ZNF423: variants seen among roughly 807,000 people sequenced by gnomAD.
ZNF423 encodes the protein Ebf-associated zinc finger protein.
Under a neutral mutation model 95.8 loss-of-function variants are expected in ZNF423, and 12 were observed. The observed-to-expected ratio is 0.13, with a 90% CI of 0.08 to 0.20. The LOEUF is 0.20. Among genes scored for constraint, ZNF423 ranks in the 10% least tolerant of loss-of-function variants. The pLI, the probability that ZNF423 is intolerant of heterozygous loss-of-function variation, is 1.00. For missense variants in ZNF423, 1,316 were observed against 1,737.1 expected (o/e 0.76, Z 4.31); for synonymous variants, 749 against 711.9 (o/e 1.05, Z -0.83).
chr16:49,775,414 C>T (rs1369612566), intron 2 of ZNF423, among the ~76,000 whole-genome samples: 1 of 152,172 alleles, frequency 6.6e-6, no homozygotes, highest in African/African-American at 2.4e-5. Context: ...GTCTCTTCAA[C>T]TATTATTTGA....
chr16:49,618,592 A>C (rs575428839), intron 5 of ZNF423, among the ~76,000 whole-genome samples: 3 of 152,232 alleles, frequency 2.0e-5, no homozygotes, highest in African/African-American at 7.2e-5. Context: ...CTATGATTGT[A>C]AGTTTCCTGA....
rs997173711 is a variant in ZNF423 at position 49,617,303 on chromosome 16, C to G, written c.3601+8867G>C. 3.3e-5 allele frequency among the ~76,000 whole-genome samples: 5 copies of G among 152,210 alleles called. No individual in the cohort carries two copies. The East Asian group carries it at 9.6e-4, about 29-fold the overall frequency. ...CACTGGGTGCTCAGGACAGAGGGGA[C>G]CAAGCTCTGGGGCCACTGGCCACAG... On this transcript the variant is annotated intron_variant, in intron 5 of 7. Transcript: ENST00000563137.
intron 2 of ZNF423, among the ~76,000 whole-genome samples, chr16:49,783,666 T>G (rs16947973): frequency 0.12 from 18,451 of 151,250 alleles, 1,232 homozygotes; most frequent in East Asian, 0.23. Context: ...CAGGCTGTGA[T>G]GCGCAGAATA....
At chr16:49,629,307 T>C (rs1245061918) in intron 4 of ZNF423, among the ~76,000 whole-genome samples, 3 of 152,244 alleles carry the variant, frequency 2.0e-5, no homozygotes, top group African/African-American at 7.2e-5. Flanking sequence ...TACCTTTTGA[T>C]TGAAATTTCA....
chr16:49,497,819 G>A (rs1230593848), intron 7 of ZNF423, among the ~76,000 whole-genome samples: 9 of 152,338 alleles, frequency 5.9e-5, no homozygotes, highest in Admixed American at 5.2e-4. Context: ...AGCCATGTTC[G>A]TGCTCAGCAG....
chr16:49,759,860 C>A (rs2033795283), intron 2 of ZNF423, among the ~76,000 whole-genome samples: 1 of 152,102 alleles, frequency 6.6e-6, no homozygotes, highest in Non-Finnish European at 1.5e-5. Flanking sequence ...CCTGCTGCAC[C>A]TGCCCTTTGG....
chr16:49,832,312 G>A (rs2035069452), intron 1 of ZNF423, among the ~76,000 whole-genome samples: 1 of 152,208 alleles, frequency 6.6e-6, no homozygotes, highest in Admixed American at 6.5e-5. Context: ...CAGATTCTGA[G>A]CTCATGAAAT....
intron 3 of ZNF423, among the ~76,000 whole-genome samples, chr16:49,646,930 C>T (rs1973196980): frequency 6.6e-6 from 1 of 152,196 alleles, no homozygotes; most frequent in Non-Finnish European, 1.5e-5. Context: ...TTGATTCTCA[C>T]ACATTCCCTA....
In ZNF423 at chr16:49,638,858, T is replaced by C; in HGVS notation, c.318A>G (p.Pro106=). The C allele has an allele frequency of 6.2e-7, 1 of 1,606,750 alleles. No homozygotes were observed. Among genetic ancestry groups the C allele is most frequent in the Non-Finnish European group, 8.5e-7 (1 of 1,175,274 alleles). The change falls in exon 4 of 8, where the codon CCA becomes CCG. Residue 106 remains proline (P), a synonymous_variant. Coordinates refer to ENST00000563137, the MANE Select transcript of ZNF423 (RefSeq NM_001379286.1). This position sits in a 1 kb window ranked among gnomAD's most constrained non-coding sequence, Gnocchi z 5.6. The stretch of plus-strand genomic sequence containing the variant: ...GAGACGAGGCCACCCAGGAGAGTTG[T>C]GGGTCGTCATCACCATCTGCAAGAG... ...HRCPGDGDDD[P]QLSWVASSPS...
At chr16:49,692,445 C>G (rs2031819504) in intron 3 of ZNF423, among the ~76,000 whole-genome samples, 1 of 152,200 alleles carries the variant, frequency 6.6e-6, no homozygotes, top group African/African-American at 2.4e-5. Context: ...GGCCCAAGAC[C>G]CCACCCAAAC....
intron 3 of ZNF423, among the ~76,000 whole-genome samples, chr16:49,679,686 GGATGATATGATT>G (rs2151935968): frequency 6.6e-6 from 1 of 152,348 alleles, no homozygotes; most frequent in African/African-American, 2.4e-5. Flanking sequence ...TGGGTGCTGT[GGATGATATGATT>G]GATGGTGGCA....
intron 2 of ZNF423, among the ~76,000 whole-genome samples, chr16:49,733,374 T>C (rs1359937794): frequency 6.6e-6 from 1 of 152,188 alleles, no homozygotes; most frequent in Non-Finnish European, 1.5e-5. Context: ...CCCCTCGTTA[T>C]TTTTTTGCCG....
intron 1 of ZNF423, among the ~76,000 whole-genome samples, chr16:49,808,260 C>T: frequency 6.6e-6 from 1 of 152,014 alleles, no homozygotes; most frequent in Non-Finnish European, 1.5e-5. Flanking sequence ...CAGGGTTTTA[C>T]CATGTTGTCT....
rs1171846399 is a variant in ZNF423, at chr16:49,856,108, T to C, written c.-334A>G. 1.4e-5 allele frequency: 1 copy of C among 72,446 alleles called. No individual in the cohort carries two copies. The highest frequency in any genetic ancestry group is 2.4e-5 in the Non-Finnish European group (1 of 41,790). 4.5% of individuals were successfully genotyped at this position (72,446 alleles called of 1,614,324 possible). On this transcript the variant is annotated 5_prime_UTR_variant, in exon 1 of 8. Transcript: ENST00000563137. ...CCGGAGGCCACTCGGCCGAGCCGAG[T>C]TATGCAAAAAAAAAAAAAAAAAAAA...
chr16:49,624,801 A>G (rs759903328), intron 5 of ZNF423, among the ~76,000 whole-genome samples: 2 of 152,178 alleles, frequency 1.3e-5, no homozygotes, highest in African/African-American at 2.4e-5. Flanking sequence ...GGCAAAACCA[A>G]CCTATATTAT....
At chr16:49,787,671 C>T (rs2034337926) in intron 2 of ZNF423, among the ~76,000 whole-genome samples, 3 of 152,186 alleles carry the variant, frequency 2.0e-5, no homozygotes, top group Admixed American at 2.0e-4. Context: ...ACCTCACTGC[C>T]TAGGGGATGC....
In ZNF423 at chr16:49,716,751, C is replaced by T. The variant is rs192248995; in HGVS notation, c.301+14020G>A. Among the ~76,000 whole-genome samples the T allele has an allele frequency of 2.0e-3, 311 of 152,266 alleles. 2 individuals are homozygous for T. Among genetic ancestry groups the T allele is most frequent in the African/African-American group, 7.0e-3 (290 of 41,548 alleles). ...CACTAGAAGCAGTTCCTCCTGATCG[C>T]CCCTCTGAGCCACTAGGCCAGTGGG... On this transcript the variant is annotated intron_variant, in intron 3 of 7. Coordinates refer to ENST00000563137, the MANE Select transcript of ZNF423 (RefSeq NM_001379286.1).
intron 7 of ZNF423, among the ~76,000 whole-genome samples, chr16:49,521,162 A>G (rs1356958729): frequency 1.3e-5 from 2 of 152,182 alleles, no homozygotes; most frequent in African/African-American, 4.8e-5. Context: ...AGTGACACCA[A>G]TGAAGCTCAA....
At position 49,638,438 on chromosome 16, in the gene ZNF423, C is replaced by G; in HGVS notation, c.738G>C (p.Gln246His). ...KRGFSSTSSL[Q>H]SHMQAHKKNK... ...TCTTTTTGTGGGCCTGCATGTGGCTCTGCAGCGAGCTGGTGGAGGAGAAGC... is the reference window on the plus strand; with the variant it reads ...TCTTTTTGTGGGCCTGCATGTGGCTGTGCAGCGAGCTGGTGGAGGAGAAGC... The change falls in exon 4 of 8, where the codon CAG becomes CAC. Residue 246 changes from glutamine to histidine, a missense_variant. Transcript: ENST00000563137. This position sits in a 1 kb window ranked among gnomAD's most constrained non-coding sequence, Gnocchi z 5.6. 6.2e-7 allele frequency: 1 copy of G among 1,613,928 alleles called. No homozygotes were observed. The highest frequency in any genetic ancestry group is 8.5e-7 in the Non-Finnish European group (1 of 1,180,042).
Sources: allele counts gnomAD v4.1 joint callset (sites outside exome capture counted in the v4.1 genomes callset), GRCh38; gene constraint gnomAD v4.1.1; non-coding constraint Gnocchi (gnomAD v3.1); transcripts MANE v1.5; gene names NCBI Gene and HGNC (gene_info 2026-07-23, HGNC 2026-07-21).